CELF2: variants seen among roughly 807,000 people sequenced by gnomAD.
The protein encoded by CELF2 is CUG triplet repeat RNA-binding protein 2.
A neutral mutation model predicts 62.6 loss-of-function variants in CELF2; 8 were observed. The observed-to-expected ratio is 0.13, with a 90% CI of 0.07 to 0.23. The LOEUF (loss-of-function observed/expected upper bound fraction) is 0.23, where lower values mean the gene tolerates loss of function less well. Ranked by LOEUF, CELF2 falls within the 10% of genes least tolerant of loss-of-function variation. CELF2 has a pLI of 1.00. For missense variants in CELF2, 333 were observed against 671.0 expected (o/e 0.50, Z 5.56); for synonymous variants, 258 against 250.0 (o/e 1.03, Z -0.30).
the CELF2 span, among the ~76,000 whole-genome samples, chr10:10,696,303 G>T: frequency 1.3e-5 from 2 of 152,032 alleles, no homozygotes; most frequent in South Asian, 4.2e-4. Context: ...GTGCCTCCCA[G>T]TTAGGCTGCT....
At chr10:10,723,976 C>A in the CELF2 span, among the ~76,000 whole-genome samples, 11 of 152,030 alleles carry the variant, frequency 7.2e-5, no homozygotes, top group Admixed American at 2.6e-4. Context: ...CATATCAATA[C>A]GTTAAAGCAC....
intron 9 of CELF2, among the ~76,000 whole-genome samples, chr10:11,291,740 C>T (rs1231886535): frequency 3.9e-5 from 6 of 152,114 alleles, no homozygotes; most frequent in Admixed American, 1.3e-4. Flanking sequence ...CTGTTTTTGA[C>T]GACTGTGTCT....
intron 1 of CELF2, among the ~76,000 whole-genome samples, chr10:11,122,937 A>G (rs75290976): frequency 0.07 from 10,634 of 152,288 alleles, 450 homozygotes; most frequent in African/African-American, 0.1. Flanking sequence ...TGGAGGAGGC[A>G]GGAGAGCATC....
At chr10:11,063,074 A>G (rs545914037) in intron 1 of CELF2, among the ~76,000 whole-genome samples, 1 of 152,206 alleles carries the variant, frequency 6.6e-6, no homozygotes, top group Non-Finnish European at 1.5e-5. Flanking sequence ...TAAGATACGT[A>G]CTTTTTAAAA....
At chr10:11,180,013 G>T (rs1246050191) in intron 2 of CELF2, among the ~76,000 whole-genome samples, 3 of 152,138 alleles carry the variant, frequency 2.0e-5, no homozygotes, top group Non-Finnish European at 4.4e-5. Flanking sequence ...AATATATAAG[G>T]CTGAGGTGTT....
At chr10:10,857,924 C>T (rs866510596) in intron 1 of CELF2, among the ~76,000 whole-genome samples, 2 of 151,460 alleles carry the variant, frequency 1.3e-5, no homozygotes, top group South Asian at 2.1e-4. Flanking sequence ...TTTGTACAGA[C>T]GCTAATTTTT....
At chr10:11,101,240 T>C (rs2051527134) in intron 1 of CELF2, among the ~76,000 whole-genome samples, 1 of 152,178 alleles carries the variant, frequency 6.6e-6, no homozygotes. Context: ...ACTTGAGGCT[T>C]CCGATATGTG....
intron 1 of CELF2, among the ~76,000 whole-genome samples, chr10:10,867,800 G>A (rs1470108468): frequency 6.6e-6 from 1 of 152,258 alleles, no homozygotes; most frequent in Non-Finnish European, 1.5e-5. Flanking sequence ...GCCCCAGGCT[G>A]ATGGTATTCT....
the CELF2 span, among the ~76,000 whole-genome samples, chr10:10,757,787 G>T: frequency 7.2e-5 from 11 of 152,150 alleles, 1 homozygote. Context: ...GAGAGAGGGA[G>T]GAAAAAAGAA....
intron 3 of CELF2, among the ~76,000 whole-genome samples, chr10:11,240,435 C>G (rs1044333883): frequency 2.6e-5 from 4 of 152,218 alleles, no homozygotes; most frequent in African/African-American, 7.2e-5. Flanking sequence ...TCCTCTCACA[C>G]TTCTCAGCGT....
chr10:10,900,875 A>G (rs1393187727), intron 1 of CELF2, among the ~76,000 whole-genome samples: 1 of 152,236 alleles, frequency 6.6e-6, no homozygotes, highest in Non-Finnish European at 1.5e-5. Context: ...AAGTTTCACA[A>G]GTTGGCAAGG....
intron 3 of CELF2, among the ~76,000 whole-genome samples, chr10:11,239,968 G>A (rs1030476149): frequency 1.1e-4 from 16 of 152,140 alleles, no homozygotes; most frequent in African/African-American, 3.4e-4. Context: ...CAGGAGAATC[G>A]CTTGAACCGA....
chr10:10,747,612 A>C, the CELF2 span, among the ~76,000 whole-genome samples: 1 of 152,268 alleles, frequency 6.6e-6, no homozygotes, highest in South Asian at 2.1e-4. Flanking sequence ...TGAGGATGGA[A>C]AATACTGGCA....
At chr10:11,093,484 G>A (rs2048903833) in intron 1 of CELF2, among the ~76,000 whole-genome samples, 1 of 152,206 alleles carries the variant, frequency 6.6e-6, no homozygotes, top group Admixed American at 6.5e-5. Flanking sequence ...GGAGGAAGAA[G>A]AGTAAGATTA....
chr10:10,736,272 T>C, the CELF2 span, among the ~76,000 whole-genome samples: 1 of 152,202 alleles, frequency 6.6e-6, no homozygotes, highest in Non-Finnish European at 1.5e-5. Flanking sequence ...GCTACGAATG[T>C]GGTCCACTCT....
chr10:10,670,004 G>A, the CELF2 span, among the ~76,000 whole-genome samples: 306 of 149,952 alleles, frequency 2.0e-3, 1 homozygote, highest in Middle Eastern at 6.9e-3. Flanking sequence ...CCAGGTTCAA[G>A]CGATTCTCCT....
intron 2 of CELF2, among the ~76,000 whole-genome samples, chr10:10,943,575 T>C (rs1015799820): frequency 4.6e-5 from 7 of 152,174 alleles, no homozygotes; most frequent in African/African-American, 1.4e-4. Context: ...CTATATCAGC[T>C]ACCAAACATT....
chr10:10,982,196 C>G (rs560853461), intron 2 of CELF2, among the ~76,000 whole-genome samples: 436 of 152,054 alleles, frequency 2.9e-3, no homozygotes, highest in Non-Finnish European at 4.9e-3. Context: ...CTCAGGTGAT[C>G]CACCCACCTC....
At chr10:10,477,441 A>T in the CELF2 span, among the ~76,000 whole-genome samples, 2 of 152,158 alleles carry the variant, frequency 1.3e-5, no homozygotes, top group Non-Finnish European at 2.9e-5. Context: ...TGCCCAAGTC[A>T]TAGTCACAGC....
Sources: allele counts gnomAD v4.1 joint callset (sites outside exome capture counted in the v4.1 genomes callset), GRCh38; gene constraint gnomAD v4.1.1; transcripts MANE v1.5; gene names NCBI Gene and HGNC (gene_info 2026-07-23, HGNC 2026-07-21).